The following KDM1A variants were observed in gnomAD, a reference collection of about 807,000 sequenced individuals.
The protein encoded by KDM1A is lysine-specific histone demethylase 1A.
In KDM1A, 49 loss-of-function variants were observed where a neutral mutation model predicts 109.4. That is an observed-to-expected ratio of 0.45 (90% CI 0.36 to 0.57). KDM1A has a LOEUF of 0.57. Ranked by LOEUF, KDM1A falls within the 20% of genes least tolerant of loss-of-function variation. The pLI is 0.00. For missense variants in KDM1A, 668 were observed against 1,116.6 expected (o/e 0.60, Z 5.73); for synonymous variants, 380 against 415.4 (o/e 0.91, Z 1.04).
At chr1:23,049,304 G>A (rs1369963296) in intron 3 of KDM1A, among the ~76,000 whole-genome samples, 1 of 151,842 alleles carries the variant, frequency 6.6e-6, no homozygotes, top group Non-Finnish European at 1.5e-5. Flanking sequence ...CATCTATAAG[G>A]TGATTTTAGA....
At chr1:23,046,918 T>C (rs528741329) in intron 3 of KDM1A, among the ~76,000 whole-genome samples, 1 of 152,336 alleles carries the variant, frequency 6.6e-6, no homozygotes, top group East Asian at 1.9e-4. Context: ...CATTCTAAAT[T>C]TTCAGAATAC....
intron 7 of KDM1A, among the ~76,000 whole-genome samples, chr1:23,056,950 C>G (rs1642847536): frequency 6.6e-6 from 1 of 151,960 alleles, no homozygotes; most frequent in Admixed American, 6.6e-5. Context: ...GTATTGTGAA[C>G]AGGCTATGTT....
intron 1 of KDM1A, among the ~76,000 whole-genome samples, chr1:23,028,830 G>A (rs530383381): frequency 2.1e-4 from 32 of 152,152 alleles, no homozygotes; most frequent in African/African-American, 7.2e-4. Flanking sequence ...CAAAGACCCT[G>A]TATGAGATGG....
intron 1 of KDM1A, among the ~76,000 whole-genome samples, chr1:23,029,816 T>C (rs2124368589): frequency 6.6e-6 from 1 of 152,210 alleles, no homozygotes; most frequent in Non-Finnish European, 1.5e-5. Context: ...ATTTTTGTAT[T>C]TTTAGTAGAG....
chr1:23,052,081 G>T (rs1383486823), intron 4 of KDM1A, among the ~76,000 whole-genome samples: 1 of 152,066 alleles, frequency 6.6e-6, no homozygotes, highest in Non-Finnish European at 1.5e-5. Context: ...TCTGAAGAGA[G>T]TTTTCACTTT....
intron 9 of KDM1A, among the ~76,000 whole-genome samples, chr1:23,060,920 C>A (rs1357062629): frequency 5.3e-5 from 8 of 152,266 alleles, no homozygotes; most frequent in Admixed American, 2.0e-4. Flanking sequence ...GTGGCTATTA[C>A]CGTCCTCAAG....
chr1:23,046,044 A>G (rs1428335538), intron 3 of KDM1A, among the ~76,000 whole-genome samples: 1 of 152,222 alleles, frequency 6.6e-6, no homozygotes, highest in Non-Finnish European at 1.5e-5. Flanking sequence ...TAGAGCTAGA[A>G]GAGAACTTGA....
At chr1:23,057,446 C>G (rs747522967) in intron 7 of KDM1A, 38 bp from the exon 8 acceptor site, 36 of 1,531,962 alleles carry the variant, frequency 2.3e-5, no homozygotes, top group Non-Finnish European at 3.1e-5. Flanking sequence ...GTGGTTAAAA[C>G]AGAATTGATG....
At chr1:23,028,032 C>CT (rs1272923231) in intron 1 of KDM1A, among the ~76,000 whole-genome samples, 3 of 152,140 alleles carry the variant, frequency 2.0e-5, no homozygotes, top group African/African-American at 7.2e-5. Context: ...TTCCTAAAGA[C>CT]TAAGAACCCT....
chr1:23,075,850 G>A (rs1643449016), intron 15 of KDM1A, among the ~76,000 whole-genome samples: 1 of 151,676 alleles, frequency 6.6e-6, no homozygotes, highest in African/African-American at 2.4e-5. Context: ...GGGAGACTGA[G>A]GCAAGAGAAT....
chr1:23,035,244 C>T (rs947546433), intron 2 of KDM1A, among the ~76,000 whole-genome samples: 3 of 152,066 alleles, frequency 2.0e-5, no homozygotes, highest in African/African-American at 7.2e-5. Flanking sequence ...CTCTTGGTGC[C>T]TAGTCTGGAG....
intron 9 of KDM1A, among the ~76,000 whole-genome samples, chr1:23,060,543 G>A (rs934715257): frequency 2.0e-5 from 3 of 152,218 alleles, no homozygotes; most frequent in Admixed American, 2.0e-4. Context: ...TGGCAAGAGG[G>A]TGTATGAAGG....
intron 3 of KDM1A, among the ~76,000 whole-genome samples, chr1:23,045,982 A>G (rs1003252484): frequency 3.9e-5 from 6 of 152,206 alleles, no homozygotes; most frequent in Non-Finnish European, 8.8e-5. Flanking sequence ...TGCCAGGATC[A>G]TATCTTGACT....
At chr1:23,055,262 A>ATAT in intron 6 of KDM1A, 101 bp downstream of exon 6, 1 of 502,168 alleles carries the variant, frequency 2.0e-6, no homozygotes, top group East Asian at 3.1e-5. Flanking sequence ...ATTTTGATTC[A>ATAT]TAAGACTATA....
At chr1:23,046,704 A>G (rs989893362) in intron 3 of KDM1A, among the ~76,000 whole-genome samples, 3 of 152,192 alleles carry the variant, frequency 2.0e-5, no homozygotes, top group African/African-American at 7.2e-5. Context: ...TACATTTATT[A>G]TGTATTCAGA....
intron 9 of KDM1A, among the ~76,000 whole-genome samples, chr1:23,059,686 G>T (rs1642944447): frequency 6.6e-6 from 1 of 152,162 alleles, no homozygotes. Flanking sequence ...TATGACAATA[G>T]CATGAAAGTG....
At chr1:23,038,252 G>GTT (rs1315023215) in intron 2 of KDM1A, among the ~76,000 whole-genome samples, 1 of 63,402 alleles carries the variant, frequency 1.6e-5, no homozygotes, top group Non-Finnish European at 3.7e-5. Flanking sequence ...ATCTGGAACT[G>GTT]TTTGTGTGTG....
intron 16 of KDM1A, among the ~76,000 whole-genome samples, chr1:23,078,028 A>G (rs1406554087): frequency 6.6e-6 from 1 of 152,170 alleles, no homozygotes; most frequent in East Asian, 1.9e-4. Flanking sequence ...TGAACTCCTC[A>G]AGATAACTAG....
At chr1:23,068,289 T>C (rs1023316849) in intron 10 of KDM1A, among the ~76,000 whole-genome samples, 2 of 152,198 alleles carry the variant, frequency 1.3e-5, no homozygotes, top group Non-Finnish European at 2.9e-5. Context: ...TGGCTGTTAA[T>C]AGAGGTGGAG....
Sources: allele counts gnomAD v4.1 joint callset (sites outside exome capture counted in the v4.1 genomes callset), GRCh38; gene constraint gnomAD v4.1.1; transcripts MANE v1.5; gene names NCBI Gene and HGNC (gene_info 2026-07-23, HGNC 2026-07-21).